PTBP1: variants seen among roughly 807,000 people sequenced by gnomAD.
PTBP1 encodes the protein polypyrimidine tract binding protein 1.
Under a neutral mutation model 59.8 loss-of-function variants are expected in PTBP1, and 8 were observed. The ratio of observed to expected loss-of-function variants is 0.13; its 90% confidence interval spans 0.08 to 0.24. PTBP1 has a LOEUF of 0.24. Ranked by LOEUF, PTBP1 falls within the 10% of genes least tolerant of loss-of-function variation. The pLI is 1.00. For synonymous variants in PTBP1, 490 were observed against 320.7 expected, an observed-to-expected ratio of 1.53 and a Z score of -5.64; for missense variants, 686 against 767.0, an observed-to-expected ratio of 0.89 and a Z score of 1.25.
chr19:808,474 GGGGTGGA>G lies in PTBP1; in HGVS notation c.1246+26_1246+32del, dbSNP rs762096705. 6.4e-7 allele frequency: 1 copy of G among 1,572,964 alleles called. No individual in the cohort carries two copies. Among genetic ancestry groups the G allele is most frequent in the Non-Finnish European group, 8.6e-7 (1 of 1,160,678 alleles). Reference sequence around the variant, plus strand: ...CTGGGTAAGAGGCCGGGGCGGCCCCGGGGTGGAGGGGGCAGGGGCGGGGGCTGCGTTC... The same window carrying G: ...CTGGGTAAGAGGCCGGGGCGGCCCCGGGGGGCAGGGGCGGGGGCTGCGTTC... On this transcript the variant is annotated intron_variant, in intron 12 of 14. Transcript: ENST00000356948. The surrounding 1 kb of genome is among the most constrained non-coding windows in gnomAD (Gnocchi z 4.7).
chr19:804,596 C>T lies in PTBP1; in HGVS notation c.500C>T (p.Ser167Leu). Residue 167 changes from serine to leucine, a missense_variant, in exon 6 of 15, where the codon TCG becomes TTG. Ser to Leu is a moderately radical substitution (Grantham distance 145). Transcript: ENST00000356948. ...VQSGNLALAA[S>L]AAAVDAGMAM... The stretch of plus-strand genomic sequence containing the variant: ...TCGGGGAACCTGGCCTTGGCTGCCT[C>T]GGCGGCGGCCGTGGACGCAGGGATG... 1.2e-6 allele frequency: 2 copies of T among 1,611,582 alleles called. No individual in the cohort carries two copies. The highest frequency in any genetic ancestry group is 1.7e-6 in the Non-Finnish European group (2 of 1,179,526).
chr19:807,549 C>G (rs1241812604), intron 10 of PTBP1: 8 of 361,564 alleles, frequency 2.2e-5, no homozygotes, highest in East Asian at 1.5e-4. Flanking sequence ...TTTTTCTTTT[C>G]TCCCCTTCCC....
At chr19:801,422 C>G (rs1272951757) in intron 2 of PTBP1, among the ~76,000 whole-genome samples, 1 of 152,252 alleles carries the variant, frequency 6.6e-6, no homozygotes, top group Non-Finnish European at 1.5e-5. Flanking sequence ...TGGGCAATGC[C>G]AGGCCACTTG....
chr19:810,306 GA>G (rs147256862), intron 13 of PTBP1, among the ~76,000 whole-genome samples: 11 of 150,388 alleles, frequency 7.3e-5, no homozygotes, highest in South Asian at 6.2e-4. Flanking sequence ...ATTCCATCTG[GA>G]AAAAAAAAAG....
In PTBP1 at chr19:808,376, G is replaced by A. The variant is rs944222325; in HGVS notation, c.1170G>A (p.Val390=). The change falls in exon 12 of 15, where the codon GTG becomes GTA. Residue 390 remains valine (V), a synonymous_variant. Coordinates refer to ENST00000356948, the MANE Select transcript of PTBP1 (RefSeq NM_002819.5). This position sits in a 1 kb window ranked among gnomAD's most constrained non-coding sequence, Gnocchi z 4.7. ...CTTTTGAAGGCGTCTACGGTGACGT[G>A]CAGCGCGTGAAGATCCTGTTCAATA... ...LFILFGVYGD[V]QRVKILFNKK... 4.0e-5 allele frequency: 64 copies of A among 1,602,154 alleles called. No individual in the cohort carries two copies. Among genetic ancestry groups the A allele is most frequent in the Non-Finnish European group, 4.8e-5 (57 of 1,175,694 alleles).
chr19:799,326 C>CG (rs759781484), intron 1 of PTBP1, 87 bp from the exon 2 acceptor site: 1 of 1,262,532 alleles, frequency 7.9e-7, no homozygotes, highest in African/African-American at 1.5e-5. Flanking sequence ...CAGGGACCTA[C>CG]GGGCTCTCCT....
At chr19:805,767 A>G (rs1041961649) in intron 9 of PTBP1, 198 bp downstream of exon 9, 2 of 589,834 alleles carry the variant, frequency 3.4e-6, no homozygotes, top group Non-Finnish European at 6.0e-6. Context: ...GTGGAGGCCC[A>G]CGTGTGGACG....
chr19:806,012 C>T (rs1036980129), intron 9 of PTBP1: 1 of 253,392 alleles, frequency 3.9e-6, no homozygotes, highest in Non-Finnish European at 7.5e-6. Context: ...CAGTGCTGGC[C>T]GTGGACGGAG....
rs756549346 is a variant in PTBP1 at position 797,475 on chromosome 19, C to T, written c.-23C>T. 1.0e-5 allele frequency: 16 copies of T among 1,596,378 alleles called. No homozygotes were observed. The East Asian group carries it at 3.4e-4, about 34-fold the overall frequency. On this transcript the variant is annotated 5_prime_UTR_variant, in exon 1 of 15. Transcript: ENST00000356948. ...CTATTCCGGCGCCTCCACTCCGTCC[C>T]CCGCGGGTCTGCTCTGTGTGCCATG...
intron 1 of PTBP1, among the ~76,000 whole-genome samples, chr19:797,739 C>A (rs1405432751): frequency 1.3e-5 from 2 of 148,392 alleles, no homozygotes; most frequent in Admixed American, 1.3e-4. Flanking sequence ...CCGCGCGCCC[C>A]GTCCCTAGCG....
chr19:803,504 G>A (rs1458532256), intron 2 of PTBP1, 57 bp from the exon 3 acceptor site: 1 of 1,497,046 alleles, frequency 6.7e-7, no homozygotes, highest in Non-Finnish European at 9.3e-7. Flanking sequence ...GGCCGGTGGG[G>A]AAGGGAGGCT....
chr19:805,739 C>T (rs2034534659), intron 9 of PTBP1, 170 bp downstream of exon 9: 2 of 647,668 alleles, frequency 3.1e-6, no homozygotes, highest in South Asian at 1.8e-5. Flanking sequence ...TTGGCCAGGG[C>T]AGTGGTAGGA....
intron 8 of PTBP1, 137 bp from the exon 9 acceptor site, chr19:805,355 C>A: frequency 1.7e-6 from 2 of 1,189,576 alleles, no homozygotes; most frequent in Non-Finnish European, 2.4e-6. Context: ...GACCACGGCC[C>A]CCCCTGGAGC....
In PTBP1 at chr19:808,762, C is replaced by G; in HGVS notation, c.1463C>G (p.Pro488Arg). ...GCCACGCTGCACCTCTCCAACATCC[C>G]GTGAGTGCTGGGCCGGGGGGCTCAT... The part of the protein sequence containing the change: ...PSATLHLSNI[P>R]PSVSEEDLKV... The change falls in exon 13 of 15, where the codon CCG becomes CGG. Residue 488 changes from proline to arginine, a missense_variant and splice_region_variant. Physicochemically the swap from Pro to Arg is moderately radical, Grantham distance 103. Transcript: ENST00000356948. The surrounding 1 kb of genome is among the most constrained non-coding windows in gnomAD (Gnocchi z 4.7). 6.2e-7 allele frequency: 1 copy of G among 1,610,298 alleles called. No homozygotes were observed. Among genetic ancestry groups the G allele is most frequent in the Non-Finnish European group, 8.5e-7 (1 of 1,178,748 alleles).
intron 10 of PTBP1, 61 bp from the exon 11 acceptor site, chr19:807,808 G>GC: frequency 2.2e-6 from 3 of 1,364,732 alleles, no homozygotes; most frequent in Non-Finnish European, 3.1e-6. Context: ...TTGGCAACTC[G>GC]CCCCCCTTGA....
rs370342140 is a variant in PTBP1, at chr19:797,453, T to G, written c.-45T>G. 14 of 1,598,674 alleles carry G rather than the reference T, an allele frequency of 8.8e-6. No homozygotes were observed. The highest frequency in any genetic ancestry group is 4.6e-5 in the East Asian group (2 of 43,932). On this transcript the variant is annotated 5_prime_UTR_variant, in exon 1 of 15. Coordinates refer to ENST00000356948, the MANE Select transcript of PTBP1 (RefSeq NM_002819.5). ...GGAGCCGTTGGGTCGGTTCCTGCTA[T>G]TCCGGCGCCTCCACTCCGTCCCCCG...
rs766775155 is a variant in PTBP1 at position 808,434 on chromosome 19, G to A, written c.1228G>A (p.Gly410Ser). Reference protein sequence around the residue: ...KENALVQMADGNQAQLAMSHL... With the variant: ...KENALVQMADSNQAQLAMSHL... ...GAACGCCCTAGTGCAGATGGCGGAC[G>A]GCAACCAGGCCCAGCTGGGTAAGAG... Residue 410 changes from glycine (G) to serine (S), a missense_variant, in exon 12 of 15, where the codon GGC (glycine) becomes AGC (serine). By Grantham distance (56) the Gly-to-Ser change is moderately conservative (BLOSUM62 0). Coordinates refer to ENST00000356948, the MANE Select transcript of PTBP1 (RefSeq NM_002819.5). This position sits in a 1 kb window ranked among gnomAD's most constrained non-coding sequence, Gnocchi z 4.7. 11 of 1,604,962 alleles carry A rather than the reference G, an allele frequency of 6.9e-6. No individual in the cohort carries two copies. The highest frequency in any genetic ancestry group is 4.0e-5 in the African/African-American group (3 of 74,728).
At chr19:803,450 G>GTT (rs2034425854) in intron 2 of PTBP1, 111 bp from the exon 3 acceptor site, 1 of 865,838 alleles carries the variant, frequency 1.2e-6, no homozygotes, top group African/African-American at 1.7e-5. Context: ...GTGGGTATGG[G>GTT]TTGGGGGTCT....
chr19:807,857 C>A lies in PTBP1; in HGVS notation c.1120-12C>A. 6.2e-7 allele frequency: 1 copy of A among 1,613,068 alleles called. No homozygotes were observed. Among genetic ancestry groups the A allele is most frequent in the Non-Finnish European group, 8.5e-7 (1 of 1,179,106 alleles). On this transcript the variant is annotated splice_polypyrimidine_tract_variant and intron_variant, in intron 10 of 14. Transcript: ENST00000356948. ...CCTGTCCCTCCGCTGCCTTGCTCTG[C>A]TGTCTCTAAAGAGAGTCACACCCCA...
Sources: gnomAD v4.1 joint callset for allele counts (sites outside exome capture counted in the v4.1 genomes callset) on GRCh38, gnomAD v4.1.1 for gene constraint, Gnocchi (gnomAD v3.1) non-coding constraint, MANE v1.5 for transcripts, NCBI Gene and HGNC (gene_info 2026-07-23, HGNC 2026-07-21) for gene names.